MYMX: variants seen among roughly 807,000 people sequenced by gnomAD.
MYMX encodes protein myomixer.
chr6:44,211,893 C>T, the MYMX span, among the ~76,000 whole-genome samples: 1 of 151,296 alleles, frequency 6.6e-6, no homozygotes, highest in Non-Finnish European at 1.5e-5. Flanking sequence ...TGATCTGCCA[C>T]CTCCTCCCCC....
chr6:44,199,847 C>T, the MYMX span, among the ~76,000 whole-genome samples: 1 of 152,034 alleles, frequency 6.6e-6, no homozygotes, highest in East Asian at 1.9e-4. Flanking sequence ...TCATGTCTGG[C>T]TAATTTTTGT....
the MYMX span, among the ~76,000 whole-genome samples, chr6:44,210,367 C>T: frequency 6.6e-6 from 1 of 152,162 alleles, no homozygotes; most frequent in Non-Finnish European, 1.5e-5. Context: ...TAGCTCACTG[C>T]AGTCTCGAAC....
At chr6:44,210,525 C>T in the MYMX span, among the ~76,000 whole-genome samples, 1 of 151,886 alleles carries the variant, frequency 6.6e-6, no homozygotes, top group Non-Finnish European at 1.5e-5. Context: ...GGGCCTCAAG[C>T]GATCTTCCTA....
At chr6:44,202,760 G>A in the MYMX span, among the ~76,000 whole-genome samples, 1 of 152,042 alleles carries the variant, frequency 6.6e-6, no homozygotes, top group Admixed American at 6.6e-5. Context: ...AAGAGTCAGG[G>A]GTTAGAGAGT....
chr6:44,213,625 T>C (rs1775716541), upstream of MYMX, among the ~76,000 whole-genome samples: 1 of 152,028 alleles, frequency 6.6e-6, no homozygotes, highest in African/African-American at 2.4e-5. Flanking sequence ...TTTCATCATA[T>C]TGGTCAGGCT....
chr6:44,193,297 C>T, the MYMX span, among the ~76,000 whole-genome samples: 3 of 151,908 alleles, frequency 2.0e-5, no homozygotes, highest in South Asian at 4.2e-4. Flanking sequence ...CATATAGAGT[C>T]TCGCTCTGTC....
At chr6:44,200,289 G>C in the MYMX span, among the ~76,000 whole-genome samples, 5 of 151,882 alleles carry the variant, frequency 3.3e-5, no homozygotes, top group African/African-American at 1.2e-4. Flanking sequence ...TTTCTCCACT[G>C]GGGTCTTGCC....
chr6:44,205,843 A>G, the MYMX span, among the ~76,000 whole-genome samples: 1 of 151,520 alleles, frequency 6.6e-6, no homozygotes, highest in African/African-American at 2.4e-5. Context: ...AGCCAGGCGT[A>G]CTGGTGCATG....
the MYMX span, among the ~76,000 whole-genome samples, chr6:44,204,819 T>A: frequency 6.6e-6 from 1 of 152,184 alleles, no homozygotes; most frequent in African/African-American, 2.4e-5. Context: ...TTTGTGGGAC[T>A]CCTGTGCATA....
At chr6:44,210,012 T>G in the MYMX span, 1 of 149,500 alleles carries the variant, frequency 6.7e-6, no homozygotes, top group Admixed American at 6.7e-5. Context: ...AGTGGCGCGA[T>G]CTCGGCTCAC....
rs1370240821 is a variant in MYMX, at chr6:44,217,607, C to G, written c.136C>G (p.Arg46Gly). ...CCGCCGCCTGGGCTCCCAGGACATG[C>G]GAGAGGCTTTGCTGGGCTGTCTGCT... ...LARRLGSQDMREALLGCLLFI... is the reference protein window; with the variant it reads ...LARRLGSQDMGEALLGCLLFI... The change falls in exon 2 of 2, where the codon CGA becomes GGA. Residue 46 changes from arginine to glycine, a missense_variant. By Grantham distance (125) the Arg-to-Gly change is moderately radical. Coordinates refer to ENST00000573382, the MANE Select transcript of MYMX (RefSeq NM_001315494.2). The G allele has an allele frequency of 2.5e-6, 1 of 401,604 alleles. No individual in the cohort carries two copies. The highest frequency in any genetic ancestry group is 4.4e-6 in the Non-Finnish European group (1 of 226,920). The allele number at this position is 401,604 out of a possible 1,614,324, so 24.9% of individuals were successfully genotyped here. A position where few individuals can be genotyped will look rare whatever the true frequency, so the allele number is the denominator to read the frequency against.
the MYMX span, among the ~76,000 whole-genome samples, chr6:44,210,306 T>A: frequency 6.6e-6 from 1 of 150,602 alleles, no homozygotes; most frequent in Non-Finnish European, 1.5e-5. Flanking sequence ...TTCGTCATTT[T>A]GGAGACAGGA....
chr6:44,217,209 G>GGTTTTGGTT (rs1210798308), intron 1 of MYMX, among the ~76,000 whole-genome samples: 3 of 152,162 alleles, frequency 2.0e-5, no homozygotes, highest in African/African-American at 7.2e-5. Context: ...ACGGCAAGCT[G>GGTTTTGGTT]TAGGTCTTGG....
At chr6:44,215,433 C>T (rs1320538272), upstream of MYMX, among the ~76,000 whole-genome samples, 2 of 151,812 alleles carry the variant, frequency 1.3e-5, no homozygotes, top group African/African-American at 2.4e-5. Context: ...AAAAAGTAAC[C>T]GGGTGTGGTG....
chr6:44,206,764 G>A, the MYMX span, among the ~76,000 whole-genome samples: 1 of 151,900 alleles, frequency 6.6e-6, no homozygotes, highest in African/African-American at 2.4e-5. Flanking sequence ...CTTGTTTTAT[G>A]TCTTGATGGC....
At chr6:44,206,928 G>T in the MYMX span, among the ~76,000 whole-genome samples, 30 of 152,194 alleles carry the variant, frequency 2.0e-4, no homozygotes, top group African/African-American at 7.0e-4. Flanking sequence ...AGCTCTCGAG[G>T]TGTTTGTCTT....
At chr6:44,201,462 G>T in the MYMX span, among the ~76,000 whole-genome samples, 1 of 152,160 alleles carries the variant, frequency 6.6e-6, no homozygotes, top group South Asian at 2.1e-4. Context: ...GGTCAGAGCT[G>T]TCCTCAACCT....
At chr6:44,206,790 G>A in the MYMX span, among the ~76,000 whole-genome samples, 1 of 152,092 alleles carries the variant, frequency 6.6e-6, no homozygotes, top group Non-Finnish European at 1.5e-5. Context: ...TTTGTGACCA[G>A]TGAGGGTATT....
chr6:44,195,491 G>A, the MYMX span, among the ~76,000 whole-genome samples: 1 of 152,004 alleles, frequency 6.6e-6, no homozygotes, highest in Non-Finnish European at 1.5e-5. Flanking sequence ...GTGAGAGACA[G>A]GGTCTCACTC....
Sources: gnomAD v4.1 joint callset for allele counts (sites outside exome capture counted in the v4.1 genomes callset) on GRCh38, gnomAD v4.1.1 for gene constraint, MANE v1.5 for transcripts, NCBI Gene and HGNC (gene_info 2026-07-23, HGNC 2026-07-21) for gene names.